The following PRKG1 variants were observed in gnomAD, a reference collection of about 807,000 sequenced individuals.
PRKG1 encodes cGMP-dependent protein kinase 1.
In PRKG1, 35 loss-of-function variants were observed where a neutral mutation model predicts 88.1. The ratio of observed to expected loss-of-function variants is 0.40; its 90% CI spans 0.30 to 0.53. The LOEUF (loss-of-function observed/expected upper bound fraction) is 0.53, where lower values mean the gene tolerates loss of function less well. PRKG1 is among the 20% of genes least tolerant of loss of function. PRKG1 has a pLI of 0.59. For synonymous variants in PRKG1, 303 were observed against 292.5 expected (o/e 1.04, Z -0.37); for missense variants, 540 against 839.8 (o/e 0.64, Z 4.41).
intron 5 of PRKG1, among the ~76,000 whole-genome samples, chr10:51,996,752 C>T (rs556182955): frequency 6.2e-4 from 95 of 152,142 alleles, no homozygotes; most frequent in African/African-American, 2.1e-3. Flanking sequence ...AGAAATGGAA[C>T]CCCCATATAA....
rs558883308 is a variant in PRKG1, at chr10:51,802,809, T to C, written c.593-1776T>C. Among the ~76,000 whole-genome samples the C allele has an allele frequency of 6.6e-5, 10 of 152,262 alleles. No homozygotes were observed. The South Asian group carries it at 2.1e-3, about 32-fold the overall frequency. The stretch of plus-strand genomic sequence containing the variant: ...ACAGGAAGGGACCAGGGTCAATGCC[T>C]GGGCTTGAGGTGCGAACTCAGACTT... On this transcript the variant is annotated intron_variant, in intron 3 of 17. Coordinates refer to ENST00000373980, the MANE Select transcript of PRKG1 (RefSeq NM_006258.4).
At chr10:51,342,750 G>T (rs1842029152) in intron 2 of PRKG1, among the ~76,000 whole-genome samples, 1 of 152,086 alleles carries the variant, frequency 6.6e-6, no homozygotes, top group Non-Finnish European at 1.5e-5. Flanking sequence ...AATCATAATA[G>T]CCCGTATATC....
At chr10:52,002,772 A>T (rs1038687769) in intron 5 of PRKG1, among the ~76,000 whole-genome samples, 2 of 152,210 alleles carry the variant, frequency 1.3e-5, no homozygotes, top group African/African-American at 2.4e-5. Context: ...TACTAAAAAC[A>T]CTATGAAAGA....
At chr10:51,284,113 C>A (rs575157205) in intron 2 of PRKG1, among the ~76,000 whole-genome samples, 4 of 152,128 alleles carry the variant, frequency 2.6e-5, no homozygotes, top group African/African-American at 9.6e-5. Flanking sequence ...GTTTCTATTC[C>A]AGGTAGCAAG....
chr10:51,007,931 C>A (rs1456105157), intron 1 of PRKG1, among the ~76,000 whole-genome samples: 1 of 152,172 alleles, frequency 6.6e-6, no homozygotes, highest in Admixed American at 6.5e-5. Context: ...CATGGTGCCT[C>A]CAGGCAGGAA....
chr10:51,737,460 A>C (rs1837308395), intron 3 of PRKG1, among the ~76,000 whole-genome samples: 1 of 152,174 alleles, frequency 6.6e-6, no homozygotes, highest in Non-Finnish European at 1.5e-5. Context: ...TTTCAATCTA[A>C]TTGAGAGACG....
chr10:51,830,567 T>G (rs1400138764), intron 4 of PRKG1, among the ~76,000 whole-genome samples: 9 of 138,028 alleles, frequency 6.5e-5, no homozygotes, highest in Admixed American at 2.1e-4. Context: ...TTTGTTTTTT[T>G]TTTTTTTTTT....
chr10:51,544,613 T>A (rs372465643), intron 3 of PRKG1, among the ~76,000 whole-genome samples: 4 of 152,226 alleles, frequency 2.6e-5, no homozygotes, highest in South Asian at 4.2e-4. Flanking sequence ...TAGTTCTAGA[T>A]CCTTCAGGAA....
chr10:51,964,227 C>G (rs983648297), intron 5 of PRKG1, among the ~76,000 whole-genome samples: 2 of 152,116 alleles, frequency 1.3e-5, no homozygotes, highest in African/African-American at 4.8e-5. Context: ...ATCCCTCCAC[C>G]TCAAGATTCT....
intron 9 of PRKG1, among the ~76,000 whole-genome samples, chr10:52,164,297 GC>G (rs1838368352): frequency 6.6e-6 from 1 of 152,044 alleles, no homozygotes; most frequent in East Asian, 1.9e-4. Flanking sequence ...GTTGCCGTGA[GC>G]CAAGACCGCG....
chr10:51,407,777 G>A, intron 2 of PRKG1, among the ~76,000 whole-genome samples: 1 of 152,166 alleles, frequency 6.6e-6, no homozygotes, highest in Non-Finnish European at 1.5e-5. Flanking sequence ...GTAACACTAA[G>A]AGACACCCTA....
At chr10:52,283,712 C>T (rs528716481) in intron 14 of PRKG1, among the ~76,000 whole-genome samples, 2 of 151,750 alleles carry the variant, frequency 1.3e-5, no homozygotes, top group East Asian at 3.9e-4. Flanking sequence ...ATTAAGTAGA[C>T]CTGTAAAGAT....
intron 1 of PRKG1, among the ~76,000 whole-genome samples, chr10:51,061,287 C>T (rs1742623707): frequency 6.6e-6 from 1 of 152,022 alleles, no homozygotes; most frequent in African/African-American, 2.4e-5. Flanking sequence ...TTTCTAAAAC[C>T]ATCAGATCTT....
chr10:52,097,097 A>C (rs1024725528), intron 7 of PRKG1, among the ~76,000 whole-genome samples: 3 of 152,130 alleles, frequency 2.0e-5, no homozygotes, highest in African/African-American at 7.2e-5. Flanking sequence ...AGATTCAATA[A>C]AATTGTTGAG....
At chr10:52,185,270 C>T (rs1201580553) in intron 9 of PRKG1, among the ~76,000 whole-genome samples, 1 of 152,184 alleles carries the variant, frequency 6.6e-6, no homozygotes, top group Non-Finnish European at 1.5e-5. Context: ...AACAGAGCTA[C>T]AGGCCCCACA....
At chr10:51,980,393 G>A (rs1843976063) in intron 5 of PRKG1, among the ~76,000 whole-genome samples, 1 of 152,044 alleles carries the variant, frequency 6.6e-6, no homozygotes, top group Non-Finnish European at 1.5e-5. Context: ...AGTGTTTTGT[G>A]TCTGATTATG....
chr10:51,411,351 A>C (rs958963821), intron 2 of PRKG1, among the ~76,000 whole-genome samples: 16 of 152,188 alleles, frequency 1.1e-4, no homozygotes, highest in Admixed American at 3.3e-4. Context: ...GGTTTAATCA[A>C]CTCGTTTAAT....
At chr10:52,093,411 T>G (rs1452474469) in intron 7 of PRKG1, among the ~76,000 whole-genome samples, 1 of 152,182 alleles carries the variant, frequency 6.6e-6, no homozygotes, top group Non-Finnish European at 1.5e-5. Flanking sequence ...ACTTAAGGAA[T>G]TTAGGTGCTC....
At chr10:51,296,112 C>G (rs1840714618) in intron 2 of PRKG1, among the ~76,000 whole-genome samples, 1 of 152,080 alleles carries the variant, frequency 6.6e-6, no homozygotes, top group South Asian at 2.1e-4. Flanking sequence ...CAGTATTTAT[C>G]AGGAATATTT....
Sources: gnomAD v4.1 joint callset for allele counts (sites outside exome capture counted in the v4.1 genomes callset) on GRCh38, gnomAD v4.1.1 for gene constraint, MANE v1.5 for transcripts, NCBI Gene and HGNC (gene_info 2026-07-23, HGNC 2026-07-21) for gene names.